Variants in DMD observed in about 807,000 individuals in gnomAD.
DMD encodes the protein dystrophin.
A neutral mutation model predicts 330.1 loss-of-function variants in DMD; 63 were observed. That is an observed-to-expected ratio of 0.19 (90% CI 0.16 to 0.24). The LOEUF is 0.24. DMD is among the 10% of genes least tolerant of loss of function. DMD has a pLI of 1.00. For synonymous variants in DMD, 1,223 were observed against 959.8 expected, an observed-to-expected ratio of 1.27 and a Z score of -5.07; for missense variants, 3,344 against 2,684.1, an observed-to-expected ratio of 1.25 and a Z score of -5.43.
chrX:31,861,533 G>T (rs1302798032), intron 48 of DMD, among the ~76,000 whole-genome samples: 2 of 106,160 alleles, frequency 1.9e-5, no homozygotes, highest in Non-Finnish European at 3.9e-5. Context: ...TAATTGGAGT[G>T]CTGCTTAAGT....
intron 1 of DMD, among the ~76,000 whole-genome samples, chrX:33,071,170 G>A (rs2094749408): frequency 9.0e-6 from 1 of 111,113 alleles, no homozygotes; most frequent in Non-Finnish European, 1.9e-5. Flanking sequence ...TGGACATACA[G>A]GCCGGACTTG....
At chrX:32,554,942 AG>A (rs2050119851) in intron 16 of DMD, among the ~76,000 whole-genome samples, 3 of 29,281 alleles carry the variant, frequency 1.0e-4, no homozygotes, top group African/African-American at 4.6e-4. Flanking sequence ...AGAAAGAAAG[AG>A]AGAGAGAGGG....
intron 7 of DMD, among the ~76,000 whole-genome samples, chrX:32,782,690 C>G (rs1276217673): frequency 9.1e-6 from 1 of 110,145 alleles, no homozygotes; most frequent in African/African-American, 3.3e-5. Context: ...ATTCAAATAA[C>G]CTCTGATTTG....
chrX:31,734,501 TA>T (rs1293836976), intron 51 of DMD, among the ~76,000 whole-genome samples: 4 of 111,661 alleles, frequency 3.6e-5, no homozygotes, highest in Non-Finnish European at 7.5e-5. Flanking sequence ...CGTATCTCCT[TA>T]GTCTTTTTTA....
intron 76 of DMD, among the ~76,000 whole-genome samples, chrX:31,144,054 T>C (rs758764847): frequency 9.0e-6 from 1 of 111,694 alleles, no homozygotes; most frequent in South Asian, 3.8e-4. Context: ...GGAGGTGTAG[T>C]AAATTCAGGA....
chrX:32,772,279 G>T (rs67032686), intron 7 of DMD, among the ~76,000 whole-genome samples: 9,621 of 112,250 alleles, frequency 0.086, 1,004 homozygotes, highest in African/African-American at 0.3. Flanking sequence ...CTCCTTTGGA[G>T]GGCCTATTGG....
intron 1 of DMD, among the ~76,000 whole-genome samples, chrX:33,091,325 G>A (rs1348962629): frequency 9.0e-6 from 1 of 111,413 alleles, no homozygotes; most frequent in East Asian, 2.8e-4. Context: ...ATACTTGAAA[G>A]CAGGGATACT....
At chrX:33,118,049 T>G (rs1030884261) in intron 1 of DMD, among the ~76,000 whole-genome samples, 29 of 110,222 alleles carry the variant, frequency 2.6e-4, no homozygotes, top group African/African-American at 7.2e-4. Context: ...AGAAGCTATC[T>G]AATTTACATC....
intron 2 of DMD, among the ~76,000 whole-genome samples, chrX:33,006,938 C>A (rs1009250330): frequency 3.6e-5 from 4 of 110,683 alleles, no homozygotes; most frequent in African/African-American, 1.3e-4. Context: ...CTCTCAATCT[C>A]CATTTTTAGT....
chrX:31,838,713 C>T (rs1015654715), intron 48 of DMD, among the ~76,000 whole-genome samples: 2 of 111,373 alleles, frequency 1.8e-5, no homozygotes, highest in African/African-American at 6.5e-5. Flanking sequence ...TTTGCCTTCC[C>T]CAACCCTGAT....
At chrX:31,569,446 G>T (rs948588509) in intron 55 of DMD, among the ~76,000 whole-genome samples, 2 of 107,602 alleles carry the variant, frequency 1.9e-5, no homozygotes, top group South Asian at 4.0e-4. Context: ...AATGATTCTT[G>T]TTCACTAGAT....
rs1569549342 is a variant in DMD at position 32,183,570 on chromosome X, A to AT, written c.6438+33345_6438+33346insA. 4.1e-3 allele frequency among the ~76,000 whole-genome samples: 249 copies of AT among 60,354 alleles called. 2 individuals carry two copies. The highest frequency in any genetic ancestry group is 0.013 in the African/African-American group (231 of 18,379). 52.4% of individuals were successfully genotyped at this position (60,354 alleles called of 115,157 possible). On this transcript the variant is annotated intron_variant, in intron 44 of 78. Transcript: ENST00000357033. Reference sequence around the variant, plus strand: ...GCTACACAAATATATATATATATATAAATATATATATATATATATGTATGT... The same window carrying AT: ...GCTACACAAATATATATATATATATATAATATATATATATATATATGTATGT...
intron 9 of DMD, among the ~76,000 whole-genome samples, chrX:32,665,114 T>C (rs2061221302): frequency 8.9e-6 from 1 of 112,284 alleles, no homozygotes; most frequent in South Asian, 3.7e-4. Flanking sequence ...TGTAAAAACT[T>C]AATAAATGTT....
At position 33,009,548 on chromosome X, in the gene DMD, ATATG is replaced by A. The variant is rs1339799157; in HGVS notation, c.93+10587_93+10590del. Among the ~76,000 whole-genome samples, 2 of 63,929 alleles carry A rather than the reference ATATG, an allele frequency of 3.1e-5. 1 individual carries two copies. The highest frequency in any genetic ancestry group is 1.2e-4 in the African/African-American group (2 of 16,110). The allele number at this position is 63,929 out of a possible 115,157, so 55.5% of individuals were successfully genotyped here. The stretch of plus-strand genomic sequence containing the variant: ...TGTATGTGTGTATGTGTATATACAC[ATATG>A]TGTGTATGTGTGTATGTGTATATAC... On this transcript the variant is annotated intron_variant, in intron 2 of 78. Coordinates refer to ENST00000357033, the MANE Select transcript of DMD (RefSeq NM_004006.3).
At chrX:31,386,913 T>G (rs1309907737) in intron 60 of DMD, among the ~76,000 whole-genome samples, 2 of 111,628 alleles carry the variant, frequency 1.8e-5, no homozygotes, top group Non-Finnish European at 3.8e-5. Flanking sequence ...TCAGATCTAC[T>G]TATGGTTGAC....
intron 1 of DMD, among the ~76,000 whole-genome samples, chrX:33,318,432 C>A (rs5928233): frequency 0.24 from 25,285 of 106,844 alleles, 2,311 homozygotes; most frequent in Admixed American, 0.29. Flanking sequence ...GATGTTTACA[C>A]ATTTAATTAC....
At chrX:33,005,757 G>A (rs1025024850) in intron 2 of DMD, among the ~76,000 whole-genome samples, 1 of 110,548 alleles carries the variant, frequency 9.0e-6, no homozygotes, top group East Asian at 2.9e-4. Context: ...GGAAGTCCTA[G>A]CTAATGCAAT....
At chrX:32,251,808 T>A (rs946611553) in intron 43 of DMD, among the ~76,000 whole-genome samples, 17 of 110,618 alleles carry the variant, frequency 1.5e-4, no homozygotes, top group East Asian at 2.9e-4. Flanking sequence ...CAAGACCCTG[T>A]CTCTTCAAAA....
Position 31,478,134 on chromosome X carries a change from G to C in DMD, c.8909C>G (p.Ser2970Cys). Residue 2970 changes from serine to cysteine, a missense_variant, in exon 59 of 79, where the codon TCT becomes TGT. Coordinates refer to ENST00000357033, the MANE Select transcript of DMD (RefSeq NM_004006.3). ...GACTTTCTCGAGGTGATCTTGGAGA[G>C]AGTCAATGAGGAGATCGCCCACGGG... is the stretch of plus-strand genomic sequence containing the variant. ...WQPVGDLLID[S>C]LQDHLEKVKA... 1.7e-6 allele frequency: 2 copies of C among 1,210,833 alleles called. No homozygotes were observed. The highest frequency in any genetic ancestry group is 1.1e-6 in the Non-Finnish European group (1 of 895,138).
Sources: allele counts gnomAD v4.1 joint callset (sites outside exome capture counted in the v4.1 genomes callset), GRCh38; gene constraint gnomAD v4.1.1; transcripts MANE v1.5; gene names NCBI Gene and HGNC (gene_info 2026-07-23, HGNC 2026-07-21).